CFAP61: variants seen among roughly 807,000 people sequenced by gnomAD.
CFAP61 encodes the protein cilia and flagella associated protein 61.
Under a neutral mutation model 135.6 loss-of-function variants are expected in CFAP61, and 107 were observed. The ratio of observed to expected loss-of-function variants is 0.79; its 90% CI spans 0.67 to 0.93. The LOEUF (loss-of-function observed/expected upper bound fraction) is 0.93, where lower values mean the gene tolerates loss of function less well. CFAP61 is among the 40% of genes least tolerant of loss of function. CFAP61 has a pLI of 0.00. For missense variants in CFAP61, 1,507 were observed against 1,556.2 expected, an observed-to-expected ratio of 0.97 and a Z score of 0.53; for synonymous variants, 575 against 578.5, an observed-to-expected ratio of 0.99 and a Z score of 0.09.
intron 25 of CFAP61, among the ~76,000 whole-genome samples, chr20:20,333,045 C>G (rs2058058345): frequency 6.6e-6 from 1 of 152,220 alleles, no homozygotes; most frequent in African/African-American, 2.4e-5. Context: ...GGAGGAAAAG[C>G]ATTCCCTGAG....
intron 8 of CFAP61, among the ~76,000 whole-genome samples, chr20:20,139,287 A>C (rs62200304): frequency 0.048 from 7,241 of 152,296 alleles, 262 homozygotes; most frequent in Non-Finnish European, 0.075. Context: ...GTGGCATTAG[A>C]TGCTGTGCCT....
intron 8 of CFAP61, among the ~76,000 whole-genome samples, chr20:20,108,592 G>C (rs1005286757): frequency 6.6e-6 from 1 of 152,182 alleles, no homozygotes; most frequent in Non-Finnish European, 1.5e-5. Context: ...ATGTTATGAA[G>C]AGTACAGGGA....
At chr20:20,309,835 T>TA (rs10716410) in intron 25 of CFAP61, among the ~76,000 whole-genome samples, 6 of 151,034 alleles carry the variant, frequency 4.0e-5, no homozygotes, top group Non-Finnish European at 5.9e-5. Context: ...ATTTTATCTT[T>TA]AAAAAAAAAA....
chr20:20,347,354 C>T (rs964498254), intron 26 of CFAP61, among the ~76,000 whole-genome samples: 3 of 151,848 alleles, frequency 2.0e-5, no homozygotes, highest in African/African-American at 7.3e-5. Context: ...AGCCTAATGC[C>T]AGCAGAAGAA....
intron 2 of CFAP61, among the ~76,000 whole-genome samples, chr20:20,067,754 T>C (rs946244240): frequency 1.3e-4 from 19 of 140,942 alleles, no homozygotes; most frequent in Admixed American, 4.5e-4. Flanking sequence ...AATATATATT[T>C]ATATTATTAT....
At chr20:20,162,893 C>T (rs374741631) in intron 10 of CFAP61, among the ~76,000 whole-genome samples, 26 of 152,216 alleles carry the variant, frequency 1.7e-4, no homozygotes, top group South Asian at 1.0e-3. Context: ...TAAATACTTA[C>T]GGATTTAACC....
intron 15 of CFAP61, among the ~76,000 whole-genome samples, chr20:20,193,344 T>G (rs2056055984): frequency 1.3e-5 from 2 of 152,126 alleles, no homozygotes; most frequent in South Asian, 4.1e-4. Context: ...TTAAAAGTTT[T>G]TATTATGAAT....
At position 20,304,303 on chromosome 20, in the gene CFAP61, T is replaced by TGTGTGTGTGA. The variant is rs754913257; in HGVS notation, c.3422+5918_3422+5919insTGTGTGTGAG. Among the ~76,000 whole-genome samples the TGTGTGTGTGA allele has an allele frequency of 8.1e-5, 12 of 147,574 alleles. No individual in the cohort carries two copies. The East Asian group carries it at 1.2e-3, about 15-fold the overall frequency. On this transcript the variant is annotated intron_variant, in intron 25 of 26. Transcript: ENST00000245957. Reference sequence around the variant, plus strand: ...GTGTGTGTGTGTGTGTGTGTGTGTGTGAGAGAGAGAGAGAGAGAGAGAGAG... The same window carrying TGTGTGTGTGA: ...GTGTGTGTGTGTGTGTGTGTGTGTGTGTGTGTGTGAGAGAGAGAGAGAGAGAGAGAGAGAG...
intron 9 of CFAP61, 121 bp downstream of exon 9, chr20:20,143,069 A>G (rs2051551221): frequency 4.8e-6 from 3 of 625,316 alleles, no homozygotes; most frequent in South Asian, 4.1e-5. Flanking sequence ...TGATGCAGAA[A>G]AGGCCTCACT....
At chr20:20,324,598 T>TG (rs2122269358) in intron 25 of CFAP61, among the ~76,000 whole-genome samples, 1 of 152,350 alleles carries the variant, frequency 6.6e-6, no homozygotes, top group South Asian at 2.1e-4. Flanking sequence ...TGTGCATGAA[T>TG]GGGATTTCTG....
intron 18 of CFAP61, among the ~76,000 whole-genome samples, chr20:20,228,961 T>C (rs900258064): frequency 6.6e-6 from 1 of 152,246 alleles, no homozygotes; most frequent in Non-Finnish European, 1.5e-5. Flanking sequence ...TTTGACTTCA[T>C]ACATTACAAA....
chr20:20,349,398 TGGTGCCAAGTTC>T (rs2058751942), intron 26 of CFAP61, among the ~76,000 whole-genome samples: 1 of 151,936 alleles, frequency 6.6e-6, no homozygotes, highest in Non-Finnish European at 1.5e-5. Context: ...GAGAGGGAAG[TGGTGCCAAGTTC>T]TTTTAAACAA....
intron 13 of CFAP61, among the ~76,000 whole-genome samples, chr20:20,171,606 T>A (rs1569058667): frequency 6.6e-6 from 1 of 152,232 alleles, no homozygotes; most frequent in Non-Finnish European, 1.5e-5. Context: ...CTCAAAAATA[T>A]CACATAATAT....
chr20:20,199,457 C>G (rs2056487736), intron 16 of CFAP61, among the ~76,000 whole-genome samples: 1 of 152,138 alleles, frequency 6.6e-6, no homozygotes, highest in African/African-American at 2.4e-5. Context: ...GATGCATGAT[C>G]ACTATGGAGA....
chr20:20,259,946 C>T (rs1379274837), intron 20 of CFAP61: 1 of 152,168 alleles, frequency 6.6e-6, no homozygotes, highest in Non-Finnish European at 1.5e-5. Flanking sequence ...GTTAGTGGCA[C>T]TTTAGTTAGT....
At chr20:20,312,128 A>G (rs1205894450) in intron 25 of CFAP61, among the ~76,000 whole-genome samples, 1 of 152,236 alleles carries the variant, frequency 6.6e-6, no homozygotes, top group East Asian at 1.9e-4. Context: ...CTGATACCTA[A>G]TCAAAAAATT....
intron 25 of CFAP61, among the ~76,000 whole-genome samples, chr20:20,307,174 T>C (rs1259928374): frequency 1.3e-5 from 2 of 152,200 alleles, no homozygotes; most frequent in Non-Finnish European, 2.9e-5. Context: ...TCCTACAGTC[T>C]GTAAAAGCAA....
chr20:20,132,113 T>C (rs2050579738), intron 8 of CFAP61, among the ~76,000 whole-genome samples: 1 of 152,078 alleles, frequency 6.6e-6, no homozygotes, highest in South Asian at 2.1e-4. Context: ...CAACTACCAT[T>C]CTACTCTCTG....
chr20:20,208,680 T>C (rs2056968712), intron 17 of CFAP61, among the ~76,000 whole-genome samples: 1 of 152,232 alleles, frequency 6.6e-6, no homozygotes, highest in Admixed American at 6.5e-5. Flanking sequence ...AACTCCATGA[T>C]GCAGGAGATG....
Sources: gnomAD v4.1 joint callset for allele counts (sites outside exome capture counted in the v4.1 genomes callset) on GRCh38, gnomAD v4.1.1 for gene constraint, MANE v1.5 for transcripts, NCBI Gene and HGNC (gene_info 2026-07-23, HGNC 2026-07-21) for gene names.